The following LITAF variants were observed in gnomAD, a reference collection of about 807,000 sequenced individuals.
LITAF encodes lipopolysaccharide-induced tumor necrosis factor-alpha factor.
A neutral mutation model predicts 14.5 loss-of-function variants in LITAF; 9 were observed. The ratio of observed to expected loss-of-function variants is 0.62; its 90% confidence interval spans 0.37 to 1.08. The LOEUF (loss-of-function observed/expected upper bound fraction) is 1.08, where lower values mean the gene tolerates loss of function less well. Ranked by LOEUF, LITAF falls within the 50% of genes least tolerant of loss-of-function variation. LITAF has a pLI of 0.01. For missense variants in LITAF, 206 were observed against 213.4 expected (o/e 0.97, Z 0.22); for synonymous variants, 98 against 88.2 (o/e 1.11, Z -0.62).
In LITAF at chr16:11,553,634, G is replaced by A. The variant is rs1247976654; in HGVS notation, c.276C>T (p.Ile92=). Residue 92 remains isoleucine, a synonymous_variant, in exon 3 of 4, where the codon ATC becomes ATT. Coordinates refer to ENST00000622633, the MANE Select transcript of LITAF (RefSeq NM_001136472.2). This position sits in a 1 kb window ranked among gnomAD's most constrained non-coding sequence, Gnocchi z 7.7. ...TGTTGCAGGAAGGACAACACATTTG[G>A]ATAGGGCGGTCCAAAAAGGTGATGG... ...QHPITFLDRP[I]QMCCPSCNKM... is the part of the protein sequence containing the mutation. 1 of 1,614,150 alleles carries A rather than the reference G, an allele frequency of 6.2e-7. No homozygotes were observed. The highest frequency in any genetic ancestry group is 8.5e-7 in the Non-Finnish European group (1 of 1,180,032).
intron 3 of LITAF, among the ~76,000 whole-genome samples, chr16:11,631,588 C>T (rs887336711): frequency 1.3e-5 from 2 of 152,218 alleles, no homozygotes; most frequent in Non-Finnish European, 2.9e-5. Context: ...CAGGGTTTCA[C>T]TACGTTGCCC....
At chr16:11,562,504 G>A (rs547855791) in intron 1 of LITAF, among the ~76,000 whole-genome samples, 1 of 152,176 alleles carries the variant, frequency 6.6e-6, no homozygotes, top group South Asian at 2.1e-4. Flanking sequence ...CCCAGCTGTG[G>A]AATCACTTTC....
chr16:11,591,682 C>T (rs570413202), upstream of LITAF, among the ~76,000 whole-genome samples: 2 of 152,206 alleles, frequency 1.3e-5, no homozygotes, highest in East Asian at 3.9e-4. Context: ...ACTCCGTCAC[C>T]CAGGTTGGAG....
chr16:11,550,947 G>A (rs1032848397), intron 3 of LITAF, among the ~76,000 whole-genome samples: 1 of 152,110 alleles, frequency 6.6e-6, no homozygotes, highest in Non-Finnish European at 1.5e-5. Flanking sequence ...CTCCAGGGTC[G>A]TTTTGCCAAC....
chr16:11,591,535 G>A (rs1373720090), upstream of LITAF, among the ~76,000 whole-genome samples: 1 of 151,668 alleles, frequency 6.6e-6, no homozygotes, highest in Non-Finnish European at 1.5e-5. Context: ...ATCAAAGCAT[G>A]TGGTTCTGGC....
chr16:11,575,746 C>CA (rs1441039694), intron 1 of LITAF, among the ~76,000 whole-genome samples: 1 of 152,174 alleles, frequency 6.6e-6, no homozygotes, highest in Non-Finnish European at 1.5e-5. Flanking sequence ...CCCGAGAACA[C>CA]AAAAAACCAA....
At chr16:11,556,267 G>T in intron 2 of LITAF, 1 of 545,480 alleles carries the variant, frequency 1.8e-6, no homozygotes, top group Non-Finnish European at 3.2e-6. Flanking sequence ...CAAGAGATGT[G>T]CCAAAAGATT....
rs2064216956 is a variant in LITAF at position 11,553,581 on chromosome 16, T to C, written c.329A>G (p.Asn110Ser). Residue 110 changes from asparagine (N) to serine (S), a missense_variant, in exon 3 of 4, where the codon AAC (asparagine) becomes AGC (serine). Asn to Ser is a conservative substitution (Grantham distance 46, BLOSUM62 1). Transcript: ENST00000622633. This position sits in a 1 kb window ranked among gnomAD's most constrained non-coding sequence, Gnocchi z 7.7. ...GGACAGCCAGGTCAGAGCACCGGCG[T>C]TATAGGACAGCTGACTCACGATCAT... The part of the protein sequence containing the change: ...NKMIVSQLSY[N>S]AGALTWLSCG... 1.2e-6 allele frequency: 2 copies of C among 1,613,942 alleles called. No individual in the cohort carries two copies. Among genetic ancestry groups the C allele is most frequent in the Non-Finnish European group, 1.7e-6 (2 of 1,179,952 alleles).
upstream of LITAF, among the ~76,000 whole-genome samples, chr16:11,598,669 C>G (rs117638322): frequency 0.016 from 2,443 of 152,144 alleles, 24 homozygotes; most frequent in Middle Eastern, 0.037. Context: ...TTTGAAAGTT[C>G]CCTCTGGTCT....
chr16:11,635,116 C>G (rs887621218), intron 2 of LITAF, among the ~76,000 whole-genome samples: 2 of 152,240 alleles, frequency 1.3e-5, no homozygotes, highest in Middle Eastern at 3.4e-3. Context: ...ATTCAGCCAG[C>G]TCTGTGTGAA....
At position 11,575,099 on chromosome 16, in the gene LITAF, G is replaced by A. The variant is rs893682867; in HGVS notation, c.-6+11787C>T. On this transcript the variant is annotated intron_variant, in intron 1 of 3. Coordinates refer to ENST00000622633, the MANE Select transcript of LITAF (RefSeq NM_001136472.2). Reference sequence around the variant, plus strand: ...ATTACAGGCGTGAGCCACTGCACCCGGCCTAAAGTTCTTTTTTTTTCATGT... The same window carrying A: ...ATTACAGGCGTGAGCCACTGCACCCAGCCTAAAGTTCTTTTTTTTTCATGT... Among the ~76,000 whole-genome samples the A allele has an allele frequency of 1.3e-4, 20 of 152,152 alleles. No individual in the cohort carries two copies. In the East Asian group the frequency reaches 1.7e-3, roughly 13 times the overall value.
At chr16:11,607,989 T>C (rs756572230) in intron 3 of LITAF, among the ~76,000 whole-genome samples, 5 of 152,230 alleles carry the variant, frequency 3.3e-5, no homozygotes, top group Non-Finnish European at 5.9e-5. Flanking sequence ...AGGATCATTA[T>C]GGTTTTACAA....
intron 3 of LITAF, among the ~76,000 whole-genome samples, chr16:11,610,617 A>C (rs186811169): frequency 3.3e-4 from 50 of 152,288 alleles, no homozygotes; most frequent in Non-Finnish European, 5.9e-4. Context: ...AATGGGATGG[A>C]GCCCAACTTG....
intron 1 of LITAF, among the ~76,000 whole-genome samples, chr16:11,577,739 A>G (rs2064664483): frequency 6.6e-6 from 1 of 150,860 alleles, no homozygotes; most frequent in Non-Finnish European, 1.5e-5. Flanking sequence ...TTTTTGAGAC[A>G]GGGTCTCACT....
Position 11,632,609 on chromosome 16 carries a change from C to T in LITAF, c.85+924G>A, listed in dbSNP as rs1490532713. 6.6e-6 allele frequency among the ~76,000 whole-genome samples: 1 copy of T among 152,158 alleles called. No individual in the cohort carries two copies. Among genetic ancestry groups the T allele is most frequent in the Non-Finnish European group, 1.5e-5 (1 of 68,010 alleles). ...TCCCTGGCACGTGGGATCCCTTGGC[C>T]CCATCTGGAGGAAGCCCCACCGAGC... On this transcript the variant is annotated intron_variant, in intron 3 of 3. Coordinates refer to the LITAF transcript ENST00000574848. This position sits in a 1 kb window ranked among gnomAD's most constrained non-coding sequence, Gnocchi z 4.8.
chr16:11,594,897 ATAAAG>A (rs2064873084), intron 1 of LITAF, among the ~76,000 whole-genome samples: 1 of 98,170 alleles, frequency 1.0e-5, no homozygotes, highest in African/African-American at 4.7e-5. Flanking sequence ...AAAAAATAAA[ATAAAG>A]TAAAATAAAA....
chr16:11,573,536 G>A (rs1212365865), intron 1 of LITAF, among the ~76,000 whole-genome samples: 1 of 152,154 alleles, frequency 6.6e-6, no homozygotes, highest in African/African-American at 2.4e-5. Context: ...CGCCAGCAAG[G>A]CAAGGGTACC....
intron 3 of LITAF, among the ~76,000 whole-genome samples, chr16:11,622,701 G>C (rs1422429247): frequency 6.6e-6 from 1 of 152,122 alleles, no homozygotes; most frequent in African/African-American, 2.4e-5. Context: ...GGATACTGGA[G>C]GGGTAGGTGG....
upstream of LITAF, among the ~76,000 whole-genome samples, chr16:11,638,081 T>G (rs1450762775): frequency 6.8e-4 from 86 of 127,056 alleles, 8 homozygotes; most frequent in Middle Eastern, 3.8e-3. Context: ...TATATATCTA[T>G]ATCTATCTAT....
Sources: allele counts gnomAD v4.1 joint callset (sites outside exome capture counted in the v4.1 genomes callset), GRCh38; gene constraint gnomAD v4.1.1; non-coding constraint Gnocchi (gnomAD v3.1); transcripts MANE v1.5; gene names NCBI Gene and HGNC (gene_info 2026-07-23, HGNC 2026-07-21).